Variants in NFE2L1 observed in about 807,000 individuals in gnomAD.
The protein encoded by NFE2L1 is endoplasmic reticulum membrane sensor NFE2L1.
Under a neutral mutation model 61.6 loss-of-function variants are expected in NFE2L1, and 18 were observed. The ratio of observed to expected loss-of-function variants is 0.29; its 90% confidence interval spans 0.20 to 0.43. The LOEUF is 0.43. Ranked by LOEUF, NFE2L1 falls within the 20% of genes least tolerant of loss-of-function variation. The probability of loss-of-function intolerance (pLI) is 1.00; values close to 1 mark genes in which losing one functional copy is unlikely to be tolerated. For synonymous variants in NFE2L1, 419 were observed against 402.7 expected (o/e 1.04, Z -0.48); for missense variants, 827 against 973.5 (o/e 0.85, Z 2.00).
chr17:48,056,681 C>A, intron 3 of NFE2L1, 83 bp downstream of exon 3: 1 of 1,514,382 alleles, frequency 6.6e-7, no homozygotes, highest in Non-Finnish European at 9.0e-7. Flanking sequence ...CCAGAAACTT[C>A]CTTTAGAGAA....
rs1054322637 is a variant in NFE2L1, at chr17:48,060,523, C to G, written c.*882C>G. 3.3e-5 allele frequency: 5 copies of G among 152,882 alleles called. No homozygotes were observed. Among genetic ancestry groups the G allele is most frequent in the African/African-American group, 1.2e-4 (5 of 41,436 alleles). The allele number at this position is 152,882 out of a possible 1,614,324, so 9.5% of individuals were successfully genotyped here. A position where few individuals can be genotyped will look rare whatever the true frequency, so the allele number is the denominator to read the frequency against. ...ATGTGTATGCCGTCCTCCCCTGGTC[C>G]GGTGTTTGTGTTCCCCACCCCTCAC... On this transcript the variant is annotated 3_prime_UTR_variant, in exon 6 of 6. Transcript: ENST00000362042.
Position 48,057,516 on chromosome 17 carries a change from A to T in NFE2L1, c.972+14A>T. 1.2e-6 allele frequency: 2 copies of T among 1,608,358 alleles called. No individual in the cohort carries two copies. Among genetic ancestry groups the T allele is most frequent in the Non-Finnish European group, 1.7e-6 (2 of 1,177,220 alleles). ...ATGGAAATGCAGGTAGGATTGTCGG[A>T]ACCGGGCACAAACCTATTGGATTTT... On this transcript the variant is annotated intron_variant, in intron 5 of 5. Coordinates refer to ENST00000362042, the MANE Select transcript of NFE2L1 (RefSeq NM_003204.3).
rs2037464693 is a variant in NFE2L1 at position 48,058,609 on chromosome 17, A to G, written c.1287A>G (p.Thr429=). Residue 429 remains threonine, a synonymous_variant, in exon 6 of 6, where the codon ACA becomes ACG. Coordinates refer to ENST00000362042, the MANE Select transcript of NFE2L1 (RefSeq NM_003204.3). Reference sequence around the variant, plus strand: ...AGCTCAATGGCACAGCCAATGACACAGCAGGCCCAGAGCTGCCTGACCCTT... The same window carrying G: ...AGCTCAATGGCACAGCCAATGACACGGCAGGCCCAGAGCTGCCTGACCCTT... The part of the protein sequence containing the change: ...PPQLNGTAND[T]AGPELPDPLG... 1 of 1,613,840 alleles carries G rather than the reference A, an allele frequency of 6.2e-7. No individual in the cohort carries two copies. The highest frequency in any genetic ancestry group is 8.5e-7 in the Non-Finnish European group (1 of 1,179,884).
chr17:48,054,564 G>T, intron 2 of NFE2L1: 2 of 1,135,742 alleles, frequency 1.8e-6, no homozygotes, highest in Non-Finnish European at 2.2e-6. Context: ...TGGGGGAGGG[G>T]ATTGGCTCTC....
Position 48,059,691 on chromosome 17 carries a change from G to C in NFE2L1, c.*50G>C. The C allele has an allele frequency of 6.6e-7, 1 of 1,515,322 alleles. No individual in the cohort carries two copies. Among genetic ancestry groups the C allele is most frequent in the Non-Finnish European group, 8.8e-7 (1 of 1,137,686 alleles). 93.9% of individuals were successfully genotyped at this position (1,515,322 alleles called of 1,614,324 possible). A position where few individuals can be genotyped will look rare whatever the true frequency, so the allele number is the denominator to read the frequency against. ...GCCCACCAAGACCGAAACTGGAGAA[G>C]GGCTGGACCTGGACCTGGACCTGGA... On this transcript the variant is annotated 3_prime_UTR_variant, in exon 6 of 6. Transcript: ENST00000362042. This position sits in a 1 kb window ranked among gnomAD's most constrained non-coding sequence, Gnocchi z 6.1.
chr17:48,057,676 G>A (rs1289601074), intron 5 of NFE2L1, among the ~76,000 whole-genome samples, 174 bp downstream of exon 5: 2 of 152,218 alleles, frequency 1.3e-5, no homozygotes, highest in Non-Finnish European at 2.9e-5. Context: ...ATGGGAGCTG[G>A]AGACAGGTAG....
chr17:48,054,596 C>T, intron 2 of NFE2L1: 4 of 387,688 alleles, frequency 1.0e-5, no homozygotes, highest in South Asian at 1.3e-4. Flanking sequence ...CAGTGACCTG[C>T]GGGGTGGGAG....
rs747026526 is a variant in NFE2L1, at chr17:48,058,398, A to G, written c.1076A>G (p.Gln359Arg). ...YSLAPNTPIN[Q>R]NVSLHQASLG... The stretch of plus-strand genomic sequence containing the variant: ...CTTGCCCCCAACACTCCCATCAATC[A>G]GAATGTCAGCCTGCATCAGGCGTCC... The change falls in exon 6 of 6, where the codon CAG (glutamine) becomes CGG (arginine). Residue 359 changes from glutamine (Q) to arginine (R), a missense_variant. By Grantham distance (43) the Gln-to-Arg change is conservative (BLOSUM62 1). Around this residue, in one of 3 missense-constraint regions of NFE2L1, gnomAD observed 667 missense variants for 748.4 expected, o/e 0.89. Transcript: ENST00000362042. 2 of 1,614,172 alleles carry G rather than the reference A, an allele frequency of 1.2e-6. No individual in the cohort carries two copies. Among genetic ancestry groups the G allele is most frequent in the East Asian group, 4.5e-5 (2 of 44,874 alleles).
chr17:48,058,150 T>G, intron 5 of NFE2L1, 145 bp from the exon 6 acceptor site: 1 of 1,164,658 alleles, frequency 8.6e-7, no homozygotes, highest in Non-Finnish European at 1.2e-6. Context: ...CGAAGCTGGG[T>G]CAGGAGCTGA....
At chr17:48,049,799 TG>T (rs2037200682) in intron 1 of NFE2L1, among the ~76,000 whole-genome samples, 1 of 152,234 alleles carries the variant, frequency 6.6e-6, no homozygotes, top group South Asian at 2.1e-4. Flanking sequence ...ATTGTCCTTT[TG>T]TCCTTCCACA....
rs1328461349 is a variant in NFE2L1, at chr17:48,051,024, G to GT, written c.-94dup. On this transcript the variant is annotated 5_prime_UTR_variant, in exon 2 of 6. An upstream open reading frame in the 5' UTR gains an earlier in-frame stop. Transcript: ENST00000362042. ...GGTACGGGGTTTGACACTGAGGAGGGTAACCTGCTGGCTGGAGCGGCAGAG... is the reference window on the plus strand; with the variant it reads ...GGTACGGGGTTTGACACTGAGGAGGGTTAACCTGCTGGCTGGAGCGGCAGAG... The GT allele has an allele frequency of 6.6e-7, 1 of 1,506,956 alleles. No homozygotes were observed. Among genetic ancestry groups the GT allele is most frequent in the Non-Finnish European group, 9.1e-7 (1 of 1,098,944 alleles). 93.3% of individuals were successfully genotyped at this position (1,506,956 alleles called of 1,614,324 possible).
chr17:48,051,043 G>A lies in NFE2L1; in HGVS notation c.-76G>A, dbSNP rs1362164956. The A allele has an allele frequency of 7.6e-6, 12 of 1,578,088 alleles. No individual in the cohort carries two copies. Among genetic ancestry groups the A allele is most frequent in the East Asian group, 4.5e-5 (2 of 44,640 alleles). On this transcript the variant is annotated 5_prime_UTR_variant, in exon 2 of 6. Transcript: ENST00000362042. ...AGGAGGGTAACCTGCTGGCTGGAGC[G>A]GCAGAGCAGTGGCCTTGATTTGTCT...
chr17:48,054,770 A>G, intron 2 of NFE2L1: 1 of 1,206,930 alleles, frequency 8.3e-7, no homozygotes, highest in Non-Finnish European at 1.0e-6. Flanking sequence ...CGGTGAGCTC[A>G]GGGTGGGGGC....
chr17:48,056,742 G>C, intron 3 of NFE2L1, 144 bp downstream of exon 3: 1 of 1,033,208 alleles, frequency 9.7e-7, no homozygotes, highest in Non-Finnish European at 1.4e-6. Context: ...GTTGGGGTCT[G>C]TAAGTCACAG....
At chr17:48,055,022 AC>A in intron 2 of NFE2L1, 1 of 1,514,608 alleles carries the variant, frequency 6.6e-7, no homozygotes, top group Non-Finnish European at 8.8e-7. Flanking sequence ...GCAGACCATG[AC>A]CCGCCTGGAC....
At chr17:48,053,333 G>T (rs1178345929) in intron 2 of NFE2L1, among the ~76,000 whole-genome samples, 2 of 152,158 alleles carry the variant, frequency 1.3e-5, no homozygotes, top group Non-Finnish European at 2.9e-5. Context: ...ACTCCCTTTG[G>T]GAGGTGGGGT....
intron 1 of NFE2L1, chr17:48,048,953 T>C (rs1329108682): frequency 6.6e-6 from 1 of 152,646 alleles, no homozygotes; most frequent in Non-Finnish European, 1.5e-5. Context: ...TCGAACTTAA[T>C]TGGCTCCTGG....
Position 48,059,929 on chromosome 17 carries a change from A to T in NFE2L1, c.*288A>T, listed in dbSNP as rs778382103. ...TGGAGTTGCTGGAGGTAGAGGAGCT[A>T]TGTGGAGCAAAGGCCGACAGAGGGG... On this transcript the variant is annotated 3_prime_UTR_variant, in exon 6 of 6. Coordinates refer to ENST00000362042, the MANE Select transcript of NFE2L1 (RefSeq NM_003204.3). This position sits in a 1 kb window ranked among gnomAD's most constrained non-coding sequence, Gnocchi z 6.1. The T allele has an allele frequency of 3.1e-4, 115 of 365,346 alleles. No individual in the cohort carries two copies. The highest frequency in any genetic ancestry group is 5.3e-4 in the Non-Finnish European group (107 of 203,462). 22.6% of individuals were successfully genotyped at this position (365,346 alleles called of 1,614,324 possible). A position where few individuals can be genotyped will look rare whatever the true frequency, so the allele number is the denominator to read the frequency against.
chr17:48,056,703 T>C, intron 3 of NFE2L1, 105 bp downstream of exon 3: 1 of 1,368,978 alleles, frequency 7.3e-7, no homozygotes, highest in South Asian at 1.4e-5. Flanking sequence ...ACAGGTGGTG[T>C]GTGGGGTGGA....
Sources: allele counts gnomAD v4.1 joint callset (sites outside exome capture counted in the v4.1 genomes callset), GRCh38; gene constraint gnomAD v4.1.1; regional missense constraint gnomAD v4.1.1; non-coding constraint Gnocchi (gnomAD v3.1); transcripts MANE v1.5; gene names NCBI Gene and HGNC (gene_info 2026-07-23, HGNC 2026-07-21).